Variants in CDH13 observed in about 807,000 individuals in gnomAD.
The protein encoded by CDH13 is cadherin-13.
In CDH13, 24 loss-of-function variants were observed where a neutral mutation model predicts 63.8. That is an observed-to-expected ratio of 0.38 (90% confidence interval 0.27 to 0.53). The LOEUF (loss-of-function observed/expected upper bound fraction) is 0.53. CDH13 is among the 20% of genes least tolerant of loss of function. CDH13 has a pLI of 0.85. For missense variants in CDH13, 1,049 were observed against 903.1 expected (o/e 1.16, Z -2.07); for synonymous variants, 503 against 355.3 (o/e 1.42, Z -4.67).
chr16:83,313,465 AG>A (rs1567584343), intron 5 of CDH13, among the ~76,000 whole-genome samples: 1 of 152,178 alleles, frequency 6.6e-6, no homozygotes, highest in Non-Finnish European at 1.5e-5. Flanking sequence ...CTTTTCAGTA[AG>A]GTTACTCTGT....
At chr16:82,739,284 C>T (rs2033825777) in intron 1 of CDH13, among the ~76,000 whole-genome samples, 1 of 152,130 alleles carries the variant, frequency 6.6e-6, no homozygotes. Flanking sequence ...GACAAGCTGA[C>T]CACCTACTTT....
intron 9 of CDH13, among the ~76,000 whole-genome samples, chr16:83,671,578 T>C (rs141183141): frequency 7.9e-5 from 12 of 152,224 alleles, no homozygotes; most frequent in African/African-American, 2.9e-4. Flanking sequence ...AAATTCTTTA[T>C]ACATTTGCTA....
chr16:82,874,409 T>G (rs1352151984), intron 2 of CDH13, among the ~76,000 whole-genome samples: 2 of 152,000 alleles, frequency 1.3e-5, no homozygotes, highest in Non-Finnish European at 2.9e-5. Flanking sequence ...ACCCCTCTAC[T>G]ACTTGTGAAC....
At chr16:83,675,174 A>T (rs543441296) in intron 9 of CDH13, among the ~76,000 whole-genome samples, 3 of 152,214 alleles carry the variant, frequency 2.0e-5, no homozygotes, top group Non-Finnish European at 4.4e-5. Flanking sequence ...GACAAAGCAC[A>T]TTAGTAAGAT....
At chr16:83,217,298 C>G in intron 4 of CDH13, 47 bp from the exon 5 acceptor site, 1 of 1,603,294 alleles carries the variant, frequency 6.2e-7, no homozygotes, top group Non-Finnish European at 8.5e-7. Context: ...TGTGCTTTCT[C>G]TGTGTTTTCC....
intron 3 of CDH13, among the ~76,000 whole-genome samples, chr16:83,060,440 G>C (rs935913855): frequency 1.4e-4 from 22 of 152,190 alleles, no homozygotes; most frequent in Non-Finnish European, 2.9e-4. Flanking sequence ...GAAGAGAACT[G>C]TAGAGTCTTC....
chr16:83,399,511 A>G (rs112280593), intron 6 of CDH13, among the ~76,000 whole-genome samples: 4 of 152,076 alleles, frequency 2.6e-5, no homozygotes, highest in Non-Finnish European at 5.9e-5. Context: ...CCCATCCCAC[A>G]TGGTCTTCTT....
chr16:83,236,728 A>T (rs2040155570), intron 5 of CDH13, among the ~76,000 whole-genome samples: 1 of 152,100 alleles, frequency 6.6e-6, no homozygotes, highest in Admixed American at 6.6e-5. Flanking sequence ...ACAAATTGTG[A>T]TACATCCTTG....
At chr16:83,698,759 C>T (rs1001875885) in intron 10 of CDH13, among the ~76,000 whole-genome samples, 19 of 152,338 alleles carry the variant, frequency 1.2e-4, no homozygotes, top group South Asian at 8.3e-4. Flanking sequence ...TGTTAGAGCA[C>T]GGTTGGCAAG....
intron 1 of CDH13, among the ~76,000 whole-genome samples, chr16:82,843,166 C>G (rs1567591725): frequency 6.6e-6 from 1 of 152,174 alleles, no homozygotes. Flanking sequence ...GCATGTCAGT[C>G]TTTCCTATAA....
At chr16:83,692,495 C>T (rs905106758) in intron 10 of CDH13, among the ~76,000 whole-genome samples, 2 of 152,204 alleles carry the variant, frequency 1.3e-5, no homozygotes, top group African/African-American at 4.8e-5. Context: ...TTACAGACTC[C>T]GTCTGTCCCG....
chr16:83,151,214 C>T (rs1208706146), intron 4 of CDH13, among the ~76,000 whole-genome samples: 2 of 152,192 alleles, frequency 1.3e-5, no homozygotes, highest in Non-Finnish European at 2.9e-5. Flanking sequence ...GAGACAGACA[C>T]ATAATTGAAC....
At chr16:82,966,435 G>C (rs1231626116) in intron 2 of CDH13, among the ~76,000 whole-genome samples, 4 of 152,182 alleles carry the variant, frequency 2.6e-5, no homozygotes, top group East Asian at 1.9e-4. Context: ...GCGTGAGCCA[G>C]CGCGCCTGGC....
chr16:83,071,191 T>C (rs1162021794), intron 3 of CDH13, among the ~76,000 whole-genome samples: 2 of 152,202 alleles, frequency 1.3e-5, no homozygotes, highest in Non-Finnish European at 2.9e-5. Flanking sequence ...GACCTGATTA[T>C]ACATGAGTGT....
At chr16:83,219,973 C>G (rs1160798072) in intron 5 of CDH13, among the ~76,000 whole-genome samples, 1 of 152,208 alleles carries the variant, frequency 6.6e-6, no homozygotes, top group Non-Finnish European at 1.5e-5. Context: ...AACACCAGCA[C>G]AGGGTCATAT....
intron 5 of CDH13, among the ~76,000 whole-genome samples, chr16:83,288,780 G>A (rs558533052): frequency 4.6e-5 from 7 of 152,184 alleles, no homozygotes; most frequent in Non-Finnish European, 7.3e-5. Flanking sequence ...AAAACGAGCC[G>A]CTGCAGTGCA....
At chr16:83,609,670 T>C (rs1268860815) in intron 8 of CDH13, among the ~76,000 whole-genome samples, 1 of 152,246 alleles carries the variant, frequency 6.6e-6, no homozygotes, top group South Asian at 2.1e-4. Context: ...TTTTTAACTT[T>C]ATCACTTTTG....
intron 10 of CDH13, among the ~76,000 whole-genome samples, chr16:83,703,536 G>C (rs377338883): frequency 6.6e-6 from 1 of 152,194 alleles, no homozygotes; most frequent in East Asian, 1.9e-4. Context: ...TAAACGGTAC[G>C]ATTCCAATTA....
intron 7 of CDH13, among the ~76,000 whole-genome samples, chr16:83,541,381 T>A (rs143334666): frequency 2.7e-4 from 41 of 152,330 alleles, no homozygotes; most frequent in South Asian, 2.3e-3. Context: ...GTCCCTCACA[T>A]TCCCACCAGC....
Sources: allele counts gnomAD v4.1 joint callset (sites outside exome capture counted in the v4.1 genomes callset), GRCh38; gene constraint gnomAD v4.1.1; transcripts MANE v1.5; gene names NCBI Gene and HGNC (gene_info 2026-07-23, HGNC 2026-07-21).